The following PTPRE variants were observed in gnomAD, a reference collection of about 807,000 sequenced individuals.
The protein encoded by PTPRE is receptor-type tyrosine-protein phosphatase epsilon.
Under a neutral mutation model 102.0 loss-of-function variants are expected in PTPRE, and 51 were observed. The ratio of observed to expected loss-of-function variants is 0.50; its 90% CI spans 0.40 to 0.63. PTPRE has a LOEUF of 0.63. Among genes scored for constraint, PTPRE ranks in the 30% least tolerant of loss-of-function variants. The pLI, the probability that PTPRE is intolerant of heterozygous loss-of-function variation, is 0.00. For missense variants in PTPRE, 752 were observed against 915.1 expected (o/e 0.82, Z 2.30); for synonymous variants, 345 against 348.2 (o/e 0.99, Z 0.10).
rs1352115254 is a variant in PTPRE at position 127,977,160 on chromosome 10, C to T, written c.-30-5114C>T. On this transcript the variant is annotated intron_variant, in intron 1 of 20. Transcript: ENST00000254667. ...CCAGTGCCCTAATTGATCAGGACAGCTCAGTGTCTTTTGGGAAAAACTGGA... is the reference window on the plus strand; with the variant it reads ...CCAGTGCCCTAATTGATCAGGACAGTTCAGTGTCTTTTGGGAAAAACTGGA... Among the ~76,000 whole-genome samples, 5 of 152,162 alleles carry T rather than the reference C, an allele frequency of 3.3e-5. No homozygotes were observed. The South Asian group carries it at 6.2e-4, about 19-fold the overall frequency.
At chr10:127,928,336 A>C (rs1372139285) in intron 1 of PTPRE, among the ~76,000 whole-genome samples, 1 of 152,120 alleles carries the variant, frequency 6.6e-6, no homozygotes, top group Non-Finnish European at 1.5e-5. Context: ...TCCCTCTTTC[A>C]GTAAATCTTG....
intron 1 of PTPRE, among the ~76,000 whole-genome samples, chr10:127,970,021 C>T (rs1012441183): frequency 6.6e-6 from 1 of 152,150 alleles, no homozygotes; most frequent in Non-Finnish European, 1.5e-5. Context: ...TTTGTGACCT[C>T]GAGCTGAATG....
At chr10:127,922,705 C>G (rs919310699) in intron 1 of PTPRE, among the ~76,000 whole-genome samples, 10 of 152,258 alleles carry the variant, frequency 6.6e-5, no homozygotes, top group Non-Finnish European at 1.0e-4. Flanking sequence ...TCCTGCCACT[C>G]TGTTCCCAGC....
At chr10:128,041,383 C>T (rs1252660106) in intron 3 of PTPRE, among the ~76,000 whole-genome samples, 1 of 152,132 alleles carries the variant, frequency 6.6e-6, no homozygotes, top group Non-Finnish European at 1.5e-5. Context: ...GGTGCGGTGG[C>T]TCATACCTGT....
In PTPRE at chr10:128,070,702, T is replaced by C; in HGVS notation, c.1294-106T>C. 1 of 1,309,954 alleles carries C rather than the reference T, an allele frequency of 7.6e-7. No homozygotes were observed. The highest frequency in any genetic ancestry group is 1.1e-6 in the Non-Finnish European group (1 of 941,600). 81.1% of individuals were successfully genotyped at this position (1,309,954 alleles called of 1,614,324 possible). On this transcript the variant is annotated intron_variant, in intron 14 of 20. Coordinates refer to ENST00000254667, the MANE Select transcript of PTPRE (RefSeq NM_006504.6). This position sits in a 1 kb window ranked among gnomAD's most constrained non-coding sequence, Gnocchi z 4.8. Reference sequence around the variant, plus strand: ...GGAGGCTTCCTGGGTTGGAGAGTGGTTTCCTTTGAGCAGGCGTCCTTGCCA... The same window carrying C: ...GGAGGCTTCCTGGGTTGGAGAGTGGCTTCCTTTGAGCAGGCGTCCTTGCCA...
Position 128,070,359 on chromosome 10 carries a change from A to G in PTPRE, c.1202A>G (p.Glu401Gly). 1 of 1,614,194 alleles carries G rather than the reference A, an allele frequency of 6.2e-7. No individual in the cohort carries two copies. Among genetic ancestry groups the G allele is most frequent in the Non-Finnish European group, 8.5e-7 (1 of 1,180,036 alleles). Residue 401 changes from glutamate (E) to glycine (G), a missense_variant, in exon 14 of 21, where the codon GAG becomes GGG. By Grantham distance (98) the Glu-to-Gly change is moderately conservative. This residue lies in a region of PTPRE where 636 missense variants were observed against 824.4 expected (regional missense o/e 0.77). Coordinates refer to ENST00000254667, the MANE Select transcript of PTPRE (RefSeq NM_006504.6). This position sits in a 1 kb window ranked among gnomAD's most constrained non-coding sequence, Gnocchi z 4.8. ...GAGTACTACCTCTACGGGGACACAG[A>G]GCTGGACGTGTCCTCCCTGGAGAAG... ...LLEYYLYGDT[E>G]LDVSSLEKHL...
intron 1 of PTPRE, among the ~76,000 whole-genome samples, chr10:127,961,553 G>A (rs1256770034): frequency 2.0e-5 from 3 of 152,148 alleles, no homozygotes; most frequent in African/African-American, 7.2e-5. Flanking sequence ...AACTGATGCT[G>A]GCAGGCACAG....
chr10:127,950,701 A>G (rs1564821486), intron 1 of PTPRE, among the ~76,000 whole-genome samples: 1 of 152,254 alleles, frequency 6.6e-6, no homozygotes, highest in Non-Finnish European at 1.5e-5. Flanking sequence ...GTCAAAGGCA[A>G]GGTGGATGTA....
chr10:127,974,748 C>T (rs2135437378), intron 1 of PTPRE, among the ~76,000 whole-genome samples: 1 of 152,292 alleles, frequency 6.6e-6, no homozygotes. Flanking sequence ...GGTACATGCA[C>T]AGAACTTTTC....
At chr10:127,991,669 G>A (rs4350281) in intron 2 of PTPRE, among the ~76,000 whole-genome samples, 14,177 of 152,196 alleles carry the variant, frequency 0.093, 896 homozygotes, top group Non-Finnish European at 0.13. Context: ...TTGGGAAGTC[G>A]CGTGGGAGGT....
chr10:127,968,695 A>G (rs1462206257), intron 1 of PTPRE, among the ~76,000 whole-genome samples: 2 of 152,246 alleles, frequency 1.3e-5, no homozygotes, highest in African/African-American at 4.8e-5. Flanking sequence ...TGAACTCCTG[A>G]CTTCTTTGAA....
intron 1 of PTPRE, among the ~76,000 whole-genome samples, chr10:127,963,326 G>A (rs558774689): frequency 7.2e-5 from 11 of 152,110 alleles, no homozygotes; most frequent in Non-Finnish European, 1.5e-4. Flanking sequence ...GTCAGCCAAG[G>A]CCACTCCCTA....
chr10:127,964,279 C>T (rs1283545403), intron 1 of PTPRE, among the ~76,000 whole-genome samples: 1 of 152,198 alleles, frequency 6.6e-6, no homozygotes, highest in Non-Finnish European at 1.5e-5. Context: ...CAGCAATTCT[C>T]CTGCCTCAGC....
intron 6 of PTPRE, among the ~76,000 whole-genome samples, chr10:128,051,503 G>GAA (rs1848562914): frequency 1.3e-5 from 2 of 152,330 alleles, no homozygotes; most frequent in African/African-American, 2.4e-5. Flanking sequence ...GTTGCCCTGG[G>GAA]CCCTGATACA....
intron 1 of PTPRE, among the ~76,000 whole-genome samples, chr10:127,922,464 C>T (rs931627433): frequency 1.3e-5 from 2 of 152,234 alleles, no homozygotes; most frequent in South Asian, 4.1e-4. Flanking sequence ...GCTCTGAGGT[C>T]CTTGTGTTGT....
At chr10:128,040,620 C>T (rs752761561) in intron 2 of PTPRE, among the ~76,000 whole-genome samples, 6 of 152,054 alleles carry the variant, frequency 3.9e-5, no homozygotes, top group Non-Finnish European at 5.9e-5. Context: ...CTGATCTGCC[C>T]CCACTAACCA....
intron 20 of PTPRE, 112 bp downstream of exon 20, chr10:128,079,807 A>T (rs1851545497): frequency 7.4e-7 from 1 of 1,352,880 alleles, no homozygotes; most frequent in African/African-American, 1.5e-5. Flanking sequence ...GGAAGGTAAA[A>T]TTCCCAAGGA....
At chr10:128,077,120 G>A (rs1302291799) in intron 18 of PTPRE, among the ~76,000 whole-genome samples, 1 of 152,150 alleles carries the variant, frequency 6.6e-6, no homozygotes, top group Non-Finnish European at 1.5e-5. Flanking sequence ...TGAGAACTCG[G>A]GGTCAGCTGT....
intron 2 of PTPRE, among the ~76,000 whole-genome samples, chr10:128,018,498 G>A (rs551866145): frequency 2.0e-5 from 3 of 152,182 alleles, no homozygotes; most frequent in Non-Finnish European, 4.4e-5. Context: ...ATCTATATTC[G>A]TGAGGCTTTG....
Sources: gnomAD v4.1 joint callset for allele counts (sites outside exome capture counted in the v4.1 genomes callset) on GRCh38, gnomAD v4.1.1 for gene constraint, gnomAD v4.1.1 regional missense constraint, Gnocchi (gnomAD v3.1) non-coding constraint, MANE v1.5 for transcripts, NCBI Gene and HGNC (gene_info 2026-07-23, HGNC 2026-07-21) for gene names.